CDHR3: variants seen among roughly 807,000 people sequenced by gnomAD.
CDHR3 encodes the protein cadherin-related family member 3.
A neutral mutation model predicts 86.6 loss-of-function variants in CDHR3; 79 were observed. The ratio of observed to expected loss-of-function variants is 0.91; its 90% CI spans 0.76 to 1.10. The LOEUF is 1.10. CDHR3 is among the 50% of genes least tolerant of loss of function. The pLI is 0.00. For missense variants in CDHR3, 1,081 were observed against 1,077.6 expected (o/e 1.00, Z -0.04); for synonymous variants, 421 against 402.4 (o/e 1.05, Z -0.55).
chr7:105,971,929 G>A (rs574483589), intron 1 of CDHR3, among the ~76,000 whole-genome samples: 9 of 152,170 alleles, frequency 5.9e-5, no homozygotes, highest in Non-Finnish European at 1.0e-4. Context: ...AGCCCCCACA[G>A]CCATGTTGTT....
At position 106,012,940 on chromosome 7, in the gene CDHR3, C is replaced by T. The variant is rs1461518004; in HGVS notation, c.1133C>T (p.Ala378Val). 1 of 1,613,784 alleles carries T rather than the reference C, an allele frequency of 6.2e-7. No individual in the cohort carries two copies. Among genetic ancestry groups the T allele is most frequent in the Non-Finnish European group, 8.5e-7 (1 of 1,179,816 alleles). ...TTCTGCTTTGATGATGACAGTGAGG[C>T]ACCAAACAACAGATTCAACTTCACC... ...NKFCFDDDSEAPNNRFNFTMP... is the reference protein window; with the variant it reads ...NKFCFDDDSEVPNNRFNFTMP... The change falls in exon 9 of 19, where the codon GCA becomes GTA. Residue 378 changes from alanine to valine, a missense_variant. Coordinates refer to ENST00000317716, the MANE Select transcript of CDHR3 (RefSeq NM_152750.5).
intron 6 of CDHR3, among the ~76,000 whole-genome samples, chr7:106,000,876 T>G (rs1280437445): frequency 1.5e-5 from 2 of 135,954 alleles, no homozygotes; most frequent in African/African-American, 5.7e-5. Context: ...ACGAGTTCTG[T>G]GCATAAATTC....
chr7:105,964,151 G>T (rs1274893986), intron 1 of CDHR3, among the ~76,000 whole-genome samples: 1 of 152,072 alleles, frequency 6.6e-6, no homozygotes, highest in African/African-American at 2.4e-5. Flanking sequence ...CAAGAACAGG[G>T]TTCTAGATAC....
chr7:105,975,070 A>C, intron 2 of CDHR3, 24 bp downstream of exon 2: 1 of 1,565,538 alleles, frequency 6.4e-7, no homozygotes, highest in Non-Finnish European at 8.8e-7. Context: ...TACCAACATG[A>C]GTGTTGCCTG....
At position 106,012,694 on chromosome 7, in the gene CDHR3, G is replaced by C. The variant is rs368071506; in HGVS notation, c.1053-166G>C. 2.9e-3 allele frequency among the ~76,000 whole-genome samples: 439 copies of C among 152,286 alleles called. 3 individuals are homozygous for C. Among genetic ancestry groups the C allele is most frequent in the African/African-American group, 0.01 (425 of 41,558 alleles). On this transcript the variant is annotated intron_variant, in intron 8 of 18. Coordinates refer to ENST00000317716, the MANE Select transcript of CDHR3 (RefSeq NM_152750.5). ...CCGCTGTGTTTAAAATAGCCCAAAA[G>C]GTAGCAAGGGCAGAATCAGGGAGAC...
intron 4 of CDHR3, among the ~76,000 whole-genome samples, chr7:105,994,172 G>A (rs1034757381): frequency 6.6e-6 from 1 of 152,022 alleles, no homozygotes; most frequent in African/African-American, 2.4e-5. Flanking sequence ...TGTTTTTAAG[G>A]GTAGTGACCA....
At position 106,030,473 on chromosome 7, in the gene CDHR3, C is replaced by T. The variant is rs1838162336; in HGVS notation, c.2305-319C>T. Among the ~76,000 whole-genome samples, 1 of 152,220 alleles carries T rather than the reference C, an allele frequency of 6.6e-6. No homozygotes were observed. The highest frequency in any genetic ancestry group is 2.4e-5 in the African/African-American group (1 of 41,450). On this transcript the variant is annotated intron_variant, in intron 17 of 18. Transcript: ENST00000317716. The surrounding 1 kb of genome is among the most constrained non-coding windows in gnomAD (Gnocchi z 4.8). ...CTTCTACGCTCAGATTTTATTTACTCAGGATGCTTCCTTAACCCCCAAGTG... is the reference window on the plus strand; with the variant it reads ...CTTCTACGCTCAGATTTTATTTACTTAGGATGCTTCCTTAACCCCCAAGTG...
At chr7:105,974,074 T>G (rs1668286125) in intron 1 of CDHR3, among the ~76,000 whole-genome samples, 1 of 152,242 alleles carries the variant, frequency 6.6e-6, no homozygotes, top group Admixed American at 6.5e-5. Flanking sequence ...TACAGCTTGT[T>G]CCTTTTCTCT....
intron 1 of CDHR3, among the ~76,000 whole-genome samples, chr7:105,974,166 G>T (rs1436061965): frequency 1.3e-5 from 2 of 152,176 alleles, no homozygotes; most frequent in East Asian, 1.9e-4. Flanking sequence ...CTATTAAATT[G>T]TAAAATTCCC....
chr7:106,004,787 G>A, intron 8 of CDHR3, 100 bp downstream of exon 8: 1 of 1,123,294 alleles, frequency 8.9e-7, no homozygotes, highest in Non-Finnish European at 1.3e-6. Flanking sequence ...ATAAGCATTT[G>A]GAGAAACAGC....
Position 106,032,439 on chromosome 7 carries a change from G to A in CDHR3, c.2400G>A (p.Lys800=). 4 of 1,612,930 alleles carry A rather than the reference G, an allele frequency of 2.5e-6. No individual in the cohort carries two copies. The highest frequency in any genetic ancestry group is 2.5e-6 in the Non-Finnish European group (3 of 1,179,124). ...YEFNSKTGAR[K]WKDPLTQMPK... is the part of the protein sequence containing the mutation. ...TCAACTCAAAAACTGGAGCCAGAAAGTGGAAAGATCCACTAACCCAAATGC... is the reference window on the plus strand; with the variant it reads ...TCAACTCAAAAACTGGAGCCAGAAAATGGAAAGATCCACTAACCCAAATGC... The change falls in exon 19 of 19, where the codon AAG becomes AAA. Residue 800 remains lysine, a synonymous_variant. Coordinates refer to ENST00000317716, the MANE Select transcript of CDHR3 (RefSeq NM_152750.5).
intron 8 of CDHR3, among the ~76,000 whole-genome samples, chr7:106,010,764 T>C (rs1585749757): frequency 6.6e-6 from 1 of 151,960 alleles, no homozygotes; most frequent in South Asian, 2.1e-4. Flanking sequence ...TTAGGGGAGA[T>C]GCCTGTGGCA....
At position 105,981,007 on chromosome 7, in the gene CDHR3, G is replaced by A; in HGVS notation, c.289G>A (p.Gly97Arg). Residue 97 changes from glycine (G) to arginine (R), a missense_variant, in exon 3 of 19, where the codon GGA (glycine) becomes AGA (arginine). Transcript: ENST00000317716. ...GATGGAACAACTAGATTTTGAAACA[G>A]GACCAAACATATTTGATTTGCAGAT... ...TGMEQLDFETGPNIFDLQIYV... is the reference protein window; with the variant it reads ...TGMEQLDFETRPNIFDLQIYV... 6.2e-7 allele frequency: 1 copy of A among 1,610,684 alleles called. No individual in the cohort carries two copies. The highest frequency in any genetic ancestry group is 8.5e-7 in the Non-Finnish European group (1 of 1,178,434).
At chr7:106,011,668 T>G (rs563326925) in intron 8 of CDHR3, among the ~76,000 whole-genome samples, 1 of 152,234 alleles carries the variant, frequency 6.6e-6, no homozygotes, top group African/African-American at 2.4e-5. Context: ...AACTAATTGA[T>G]ATCATTTATG....
Position 106,024,472 on chromosome 7 carries a change from T to G in CDHR3, c.2168T>G (p.Leu723Arg). The G allele has an allele frequency of 6.2e-7, 1 of 1,614,044 alleles. No individual in the cohort carries two copies. The highest frequency in any genetic ancestry group is 8.5e-7 in the Non-Finnish European group (1 of 1,179,898). Residue 723 changes from leucine to arginine, a missense_variant, in exon 15 of 19, where the codon CTT becomes CGT. Transcript: ENST00000317716. ...PFVITLGSILLLGLLVYLVVL... is the reference protein window; with the variant it reads ...PFVITLGSILRLGLLVYLVVL... ...GTCATCACTTTGGGCTCCATATTGC[T>G]TCTGGGTCTCCTCGTGTACCTGGTC...
intron 12 of CDHR3, among the ~76,000 whole-genome samples, chr7:106,019,852 G>A (rs1836280391): frequency 6.6e-6 from 1 of 152,196 alleles, no homozygotes; most frequent in Admixed American, 6.5e-5. Context: ...CAATCTATTG[G>A]TTCTGAAGTG....
rs1229818882 is a variant in CDHR3 at position 106,035,152 on chromosome 7, A to G, written c.*2455A>G. ...AGCTGGTCTTTCTTCTCCAGTGATGACAGGGCAAGAGGGAATTGTGCTTAA... is the reference window on the plus strand; with the variant it reads ...AGCTGGTCTTTCTTCTCCAGTGATGGCAGGGCAAGAGGGAATTGTGCTTAA... On this transcript the variant is annotated 3_prime_UTR_variant, in exon 19 of 19. Coordinates refer to ENST00000317716, the MANE Select transcript of CDHR3 (RefSeq NM_152750.5). Among the ~76,000 whole-genome samples the G allele has an allele frequency of 6.6e-6, 1 of 152,122 alleles. No homozygotes were observed.
At chr7:106,015,810 G>A (rs1400935704) in intron 10 of CDHR3, 117 bp from the exon 11 acceptor site, 1 of 775,452 alleles carries the variant, frequency 1.3e-6, no homozygotes, top group Non-Finnish European at 2.2e-6. Context: ...CCATGTCTTA[G>A]CCACCTGGTA....
At chr7:106,004,757 G>C in intron 8 of CDHR3, 70 bp downstream of exon 8, 1 of 1,424,794 alleles carries the variant, frequency 7.0e-7, no homozygotes, top group Non-Finnish European at 9.8e-7. Context: ...CTGCTTCTCT[G>C]GTATATTCTC....
Sources: gnomAD v4.1 joint callset for allele counts (sites outside exome capture counted in the v4.1 genomes callset) on GRCh38, gnomAD v4.1.1 for gene constraint, Gnocchi (gnomAD v3.1) non-coding constraint, MANE v1.5 for transcripts, NCBI Gene and HGNC (gene_info 2026-07-23, HGNC 2026-07-21) for gene names.